Variants in MDGA2 observed in about 807,000 individuals in gnomAD.
The protein encoded by MDGA2 is MAM domain containing glycosylphosphatidylinositol anchor 2, also known as MAM domain-containing glycosylphosphatidylinositol anchor protein 2.
In MDGA2, 40 loss-of-function variants were observed where a neutral mutation model predicts 117.8. The observed-to-expected ratio is 0.34, with a 90% CI of 0.26 to 0.44. MDGA2 has a LOEUF of 0.44. MDGA2 is among the 20% of genes least tolerant of loss of function. The pLI is 1.00. For synonymous variants in MDGA2, 452 were observed against 439.0 expected (o/e 1.03, Z -0.37); for missense variants, 1,123 against 1,250.6 (o/e 0.90, Z 1.54).
chr14:47,041,261 T>A (rs1225590897), intron 7 of MDGA2, among the ~76,000 whole-genome samples: 2 of 152,070 alleles, frequency 1.3e-5, no homozygotes, highest in African/African-American at 4.8e-5. Flanking sequence ...AGTTATGAAT[T>A]ATTTTTTAAA....
At chr14:47,555,166 A>G (rs535690203) in intron 1 of MDGA2, among the ~76,000 whole-genome samples, 7 of 152,316 alleles carry the variant, frequency 4.6e-5, no homozygotes, top group African/African-American at 1.7e-4. Context: ...TTCTTAGTCA[A>G]GTTGAAGGCA....
chr14:47,280,362 C>T (rs573924904), intron 2 of MDGA2, among the ~76,000 whole-genome samples: 1 of 135,686 alleles, frequency 7.4e-6, no homozygotes, highest in African/African-American at 2.7e-5. Context: ...TGTCAGACAT[C>T]GATCTATCTC....
chr14:46,951,123 C>G (rs1885357740), intron 9 of MDGA2, among the ~76,000 whole-genome samples: 1 of 151,846 alleles, frequency 6.6e-6, no homozygotes, highest in African/African-American at 2.4e-5. Context: ...GATGTGAAAT[C>G]CTAGCTCAAA....
chr14:46,992,483 T>A (rs981518536), intron 8 of MDGA2, among the ~76,000 whole-genome samples: 2 of 152,150 alleles, frequency 1.3e-5, no homozygotes, highest in Non-Finnish European at 2.9e-5. Context: ...TTTGTTACAA[T>A]GAAATGCTTC....
intron 5 of MDGA2, among the ~76,000 whole-genome samples, chr14:47,126,032 T>C (rs1241486817): frequency 6.6e-6 from 1 of 152,018 alleles, no homozygotes; most frequent in African/African-American, 2.4e-5. Context: ...TAATTTATAC[T>C]CAGTTATCCT....
rs897680444 is a variant in MDGA2, at chr14:47,011,719, G to A, written c.1819+23292C>T. ...TTATATATACAGGTTATTTTTTACA[G>A]TTTATTTCTGATACTATATAACAAT... On this transcript the variant is annotated intron_variant, in intron 8 of 16. Coordinates refer to ENST00000399232, the MANE Select transcript of MDGA2 (RefSeq NM_001113498.3). Among the ~76,000 whole-genome samples the A allele has an allele frequency of 5.1e-4, 77 of 152,018 alleles. 3 individuals are homozygous for A. Among genetic ancestry groups the A allele is most frequent in the Admixed American group, 5.0e-3 (76 of 15,220 alleles).
chr14:47,150,670 T>A (rs1461808366), intron 3 of MDGA2, among the ~76,000 whole-genome samples: 3 of 152,134 alleles, frequency 2.0e-5, no homozygotes, highest in Non-Finnish European at 2.9e-5. Flanking sequence ...ATGCCTGTAA[T>A]CCTAGCACTT....
intron 10 of MDGA2, among the ~76,000 whole-genome samples, chr14:46,914,420 T>TA (rs1441762447): frequency 1.3e-5 from 2 of 152,130 alleles, no homozygotes; most frequent in African/African-American, 4.8e-5. Context: ...TTAAGTTTCT[T>TA]AAAGCAGTGA....
chr14:47,172,463 C>T (rs1278827179), intron 3 of MDGA2, among the ~76,000 whole-genome samples: 5 of 151,992 alleles, frequency 3.3e-5, no homozygotes, highest in South Asian at 4.2e-4. Context: ...TCCAGCGGAA[C>T]GATCAGAGAG....
chr14:46,942,368 T>A (rs931711303), intron 9 of MDGA2, among the ~76,000 whole-genome samples: 1 of 152,322 alleles, frequency 6.6e-6, no homozygotes, highest in Non-Finnish European at 1.5e-5. Context: ...CTACCTTAGC[T>A]AGCAGATGTT....
chr14:47,415,934 T>C (rs1160054330), intron 1 of MDGA2, among the ~76,000 whole-genome samples: 1 of 152,182 alleles, frequency 6.6e-6, no homozygotes, highest in East Asian at 1.9e-4. Flanking sequence ...TAAAGGGCAA[T>C]CTGTAAATAC....
At chr14:47,568,162 G>A (rs1035696260) in intron 1 of MDGA2, among the ~76,000 whole-genome samples, 10 of 152,118 alleles carry the variant, frequency 6.6e-5, no homozygotes, top group African/African-American at 2.4e-4. Flanking sequence ...TGGATTTTAT[G>A]GAACTCATGC....
chr14:47,640,062 T>C (rs1000258560), intron 1 of MDGA2, among the ~76,000 whole-genome samples: 20 of 152,202 alleles, frequency 1.3e-4, no homozygotes, highest in African/African-American at 3.9e-4. Context: ...TCCAGAACTA[T>C]AGCAAGCTTC....
intron 5 of MDGA2, among the ~76,000 whole-genome samples, chr14:47,110,908 C>T (rs977292343): frequency 2.6e-5 from 4 of 152,084 alleles, no homozygotes; most frequent in Admixed American, 6.6e-5. Context: ...ACAATTACTA[C>T]CAAATAAACT....
intron 1 of MDGA2, among the ~76,000 whole-genome samples, chr14:47,434,252 A>C (rs1892854705): frequency 6.6e-6 from 1 of 152,112 alleles, no homozygotes; most frequent in Admixed American, 6.6e-5. Context: ...TTTCAATAAT[A>C]CTCAGATACA....
chr14:47,483,713 T>C (rs958442084), intron 1 of MDGA2, among the ~76,000 whole-genome samples: 7 of 152,200 alleles, frequency 4.6e-5, no homozygotes, highest in Non-Finnish European at 8.8e-5. Context: ...TTACCTCATT[T>C]TCCCACAAGT....
At chr14:47,652,423 G>A (rs1044444477) in intron 1 of MDGA2, among the ~76,000 whole-genome samples, 4 of 152,066 alleles carry the variant, frequency 2.6e-5, no homozygotes, top group African/African-American at 4.8e-5. Flanking sequence ...AAAAGTATCA[G>A]AAACACATGA....
chr14:47,513,102 T>G (rs952379389), intron 1 of MDGA2, among the ~76,000 whole-genome samples: 1 of 152,086 alleles, frequency 6.6e-6, no homozygotes, highest in Non-Finnish European at 1.5e-5. Flanking sequence ...CTAACAAATC[T>G]AAAATACTGA....
rs531609449 is a variant in MDGA2 at position 47,025,802 on chromosome 14, C to T, written c.1819+9209G>A. On this transcript the variant is annotated intron_variant, in intron 8 of 16. Coordinates refer to ENST00000399232, the MANE Select transcript of MDGA2 (RefSeq NM_001113498.3). ...CAATTAGCAGTAGCCATGGTCTCTA[C>T]TCTCTAGATGCCAGGAGCATTCATT... is the stretch of plus-strand genomic sequence containing the variant. Among the ~76,000 whole-genome samples, 10 of 152,150 alleles carry T rather than the reference C, an allele frequency of 6.6e-5. No homozygotes were observed. In the South Asian group the frequency reaches 1.9e-3, roughly 28 times the overall value.
Sources: gnomAD v4.1 joint callset for allele counts (sites outside exome capture counted in the v4.1 genomes callset) on GRCh38, gnomAD v4.1.1 for gene constraint, MANE v1.5 for transcripts, NCBI Gene and HGNC (gene_info 2026-07-23, HGNC 2026-07-21) for gene names.